MALT1: variants seen among roughly 807,000 people sequenced by gnomAD.
The protein encoded by MALT1 is MALT1 paracaspase, also known as mucosa-associated lymphoid tissue lymphoma translocation protein 1.
MALT1 carries 36 observed loss-of-function variants against 85.5 expected under a neutral mutation model. That is an observed-to-expected ratio of 0.42 (90% CI 0.32 to 0.56). The LOEUF is 0.56. Among genes scored for constraint, MALT1 ranks in the 20% least tolerant of loss-of-function variants. MALT1 has a pLI of 0.10. For synonymous variants in MALT1, 359 were observed against 361.3 expected (o/e 0.99, Z 0.07); for missense variants, 716 against 981.6 (o/e 0.73, Z 3.62).
intron 4 of MALT1, among the ~76,000 whole-genome samples, chr18:58,703,806 A>AT (rs1353291902): frequency 2.0e-5 from 3 of 152,086 alleles, no homozygotes; most frequent in Admixed American, 1.3e-4. Context: ...TTTTTATCCC[A>AT]TTTTTTATTA....
In MALT1 at chr18:58,709,989, A is replaced by T; in HGVS notation, c.842A>T (p.Asp281Val). The T allele has an allele frequency of 1.2e-6, 2 of 1,608,236 alleles. No homozygotes were observed. Among genetic ancestry groups the T allele is most frequent in the Non-Finnish European group, 1.7e-6 (2 of 1,175,874 alleles). ...TKKLYMVPYV[D>V]LEHQGTYWCH... ...ATATTGATATAGGTGCCTTATGTGGATTTGGAACACCAAGGAACCTACTGG... is the reference window on the plus strand; with the variant it reads ...ATATTGATATAGGTGCCTTATGTGGTTTTGGAACACCAAGGAACCTACTGG... Residue 281 changes from aspartate to valine, a missense_variant, in exon 6 of 17, where the codon GAT (aspartate) becomes GTT (valine). By Grantham distance (152) the Asp-to-Val change is radical. Around this residue, in one of 4 missense-constraint regions of MALT1, gnomAD observed 290 missense variants for 380.5 expected, o/e 0.76. Coordinates refer to ENST00000649217, the MANE Select transcript of MALT1 (RefSeq NM_006785.4).
intron 3 of MALT1, among the ~76,000 whole-genome samples, chr18:58,698,673 G>A (rs73449389): frequency 0.057 from 8,668 of 152,206 alleles, 770 homozygotes; most frequent in African/African-American, 0.19. Flanking sequence ...ACAGATTAAC[G>A]GAGAAAAAGC....
chr18:58,744,614 A>T (rs2055343417), intron 15 of MALT1, 119 bp downstream of exon 15: 1 of 385,594 alleles, frequency 2.6e-6, no homozygotes, highest in Non-Finnish European at 4.3e-6. Flanking sequence ...ATATATGTGT[A>T]TATATTTATA....
At chr18:58,712,535 G>A (rs1316093769) in intron 7 of MALT1, among the ~76,000 whole-genome samples, 1 of 152,172 alleles carries the variant, frequency 6.6e-6, no homozygotes. Context: ...ATTGAGACTG[G>A]CAAGAGGCTT....
At chr18:58,732,917 TTTATTTA>T (rs2055172104) in intron 10 of MALT1, among the ~76,000 whole-genome samples, 3 of 117,492 alleles carry the variant, frequency 2.6e-5, no homozygotes, top group African/African-American at 4.9e-5. Flanking sequence ...TATTTATTTA[TTTATTTA>T]TTTTGAGACA....
At chr18:58,719,603 AT>A (rs2054955775) in intron 9 of MALT1, among the ~76,000 whole-genome samples, 1 of 152,210 alleles carries the variant, frequency 6.6e-6, no homozygotes, top group South Asian at 2.1e-4. Context: ...GAAAGTCGTG[AT>A]ACAGCCCAGA....
chr18:58,731,577 A>G (rs924737892), intron 10 of MALT1, among the ~76,000 whole-genome samples: 2 of 152,116 alleles, frequency 1.3e-5, no homozygotes, highest in African/African-American at 2.4e-5. Flanking sequence ...CCTGCCCATA[A>G]TCTACCTCGC....
chr18:58,717,112 A>G (rs1328005216), intron 9 of MALT1, among the ~76,000 whole-genome samples: 53 of 152,346 alleles, frequency 3.5e-4, no homozygotes, highest in Non-Finnish European at 8.8e-5. Flanking sequence ...CTGTAGTCCC[A>G]GCACTTTGTG....
At chr18:58,746,039 C>T (rs2055362583) in intron 16 of MALT1, among the ~76,000 whole-genome samples, 1 of 152,134 alleles carries the variant, frequency 6.6e-6, no homozygotes, top group East Asian at 1.9e-4. Flanking sequence ...TTTTTAGAGA[C>T]AGAGTCTTAA....
At chr18:58,737,455 T>C (rs1041649694) in intron 13 of MALT1, among the ~76,000 whole-genome samples, 9 of 147,702 alleles carry the variant, frequency 6.1e-5, no homozygotes, top group African/African-American at 2.3e-4. Flanking sequence ...CTCTCCAGCA[T>C]GTGTGACAGA....
At chr18:58,720,587 G>T (rs2144415711) in intron 9 of MALT1, among the ~76,000 whole-genome samples, 1 of 152,252 alleles carries the variant, frequency 6.6e-6, no homozygotes, top group Non-Finnish European at 1.5e-5. Flanking sequence ...TCACACTGTT[G>T]AACCCGTGCA....
chr18:58,693,985 A>C (rs1172021065), intron 2 of MALT1, among the ~76,000 whole-genome samples: 1 of 152,214 alleles, frequency 6.6e-6, no homozygotes, highest in Admixed American at 6.5e-5. Context: ...CTGGCAGATG[A>C]ATGGTAAATG....
In MALT1 at chr18:58,747,598, CAGG is replaced by C; in HGVS notation, c.2237_2239del (p.Gly746del). ...CCTTACCAGAGTTCTGCAGCCACCT[CAGG>C]AGGAGCAGGGCATTATCACTCATTG... On this transcript the variant is annotated inframe_deletion, in exon 17 of 17. Transcript: ENST00000649217. The C allele has an allele frequency of 6.2e-7, 1 of 1,614,180 alleles. No homozygotes were observed. The highest frequency in any genetic ancestry group is 8.5e-7 in the Non-Finnish European group (1 of 1,180,018).
rs534547846 is a variant in MALT1 at position 58,715,515 on chromosome 18, G to A, written c.986-420G>A. Among the ~76,000 whole-genome samples, 3 of 152,242 alleles carry A rather than the reference G, an allele frequency of 2.0e-5. No individual in the cohort carries two copies. The South Asian group carries it at 6.2e-4, about 32-fold the overall frequency. ...GGGATTTTATTTTATGTATACTAGA[G>A]GGTGAAAGCATAGAATCCAGAAGGA... On this transcript the variant is annotated intron_variant, in intron 8 of 16. Transcript: ENST00000649217.
chr18:58,717,127 C>A lies in MALT1; in HGVS notation c.1018+1160C>A, dbSNP rs181518493. ...CTGTAGTCCCAGCACTTTGTGAGGCCGAGGCAGGCAGGATCACCTGGGGTC... is the reference window on the plus strand; with the variant it reads ...CTGTAGTCCCAGCACTTTGTGAGGCAGAGGCAGGCAGGATCACCTGGGGTC... On this transcript the variant is annotated intron_variant, in intron 9 of 16. Transcript: ENST00000649217. 4.6e-5 allele frequency among the ~76,000 whole-genome samples: 7 copies of A among 152,090 alleles called. No individual in the cohort carries two copies. In the East Asian group the frequency reaches 1.4e-3, roughly 29 times the overall value.
intron 9 of MALT1, among the ~76,000 whole-genome samples, chr18:58,718,007 G>T (rs1198953409): frequency 6.6e-6 from 1 of 152,176 alleles, no homozygotes; most frequent in Non-Finnish European, 1.5e-5. Context: ...TCACAAATAT[G>T]CATTTAATAG....
chr18:58,687,032 A>C (rs2054414947), intron 2 of MALT1, among the ~76,000 whole-genome samples: 1 of 152,214 alleles, frequency 6.6e-6, no homozygotes, highest in Non-Finnish European at 1.5e-5. Flanking sequence ...CTGAATTAAG[A>C]AACTTAGTTC....
intron 4 of MALT1, among the ~76,000 whole-genome samples, chr18:58,704,546 T>C (rs1229625156): frequency 6.6e-6 from 1 of 152,200 alleles, no homozygotes; most frequent in African/African-American, 2.4e-5. Context: ...AACCTCTGCC[T>C]CCCAGGCTCA....
At chr18:58,700,011 T>C (rs1201243457) in intron 3 of MALT1, among the ~76,000 whole-genome samples, 1 of 152,226 alleles carries the variant, frequency 6.6e-6, no homozygotes, top group Admixed American at 6.5e-5. Flanking sequence ...GCCCACGTCT[T>C]CCCAGCTAAT....
Sources: allele counts gnomAD v4.1 joint callset (sites outside exome capture counted in the v4.1 genomes callset), GRCh38; gene constraint gnomAD v4.1.1; regional missense constraint gnomAD v4.1.1; transcripts MANE v1.5; gene names NCBI Gene and HGNC (gene_info 2026-07-23, HGNC 2026-07-21).